Variants in DNAH9 observed in about 807,000 individuals in gnomAD.
DNAH9 encodes the protein dynein axonemal heavy chain 9, also known as DNAH9 variant protein.
A neutral mutation model predicts 471.6 loss-of-function variants in DNAH9; 345 were observed. That is an observed-to-expected ratio of 0.73 (90% CI 0.67 to 0.80). The LOEUF (loss-of-function observed/expected upper bound fraction) is 0.80. DNAH9 is among the 30% of genes least tolerant of loss of function. The pLI, the probability that DNAH9 is intolerant of heterozygous loss-of-function variation, is 0.00. For missense variants in DNAH9, 5,407 were observed against 5,609.2 expected (o/e 0.96, Z 1.15); for synonymous variants, 2,093 against 2,123.6 (o/e 0.99, Z 0.40).
At chr17:11,610,072 G>A (rs1235617590) in intron 2 of DNAH9, among the ~76,000 whole-genome samples, 2 of 152,104 alleles carry the variant, frequency 1.3e-5, no homozygotes, top group South Asian at 2.1e-4. Context: ...TTCTGTCCAC[G>A]GTATTCCTGC....
chr17:11,871,868 C>T, intron 52 of DNAH9, 82 bp downstream of exon 52: 2 of 1,449,510 alleles, frequency 1.4e-6, no homozygotes. Flanking sequence ...TTCGCATCCT[C>T]TGGTGTCCTC....
In DNAH9 at chr17:11,642,403, G is replaced by T. The variant is rs532111463; in HGVS notation, c.1901+2019G>T. On this transcript the variant is annotated intron_variant, in intron 10 of 68. Transcript: ENST00000262442. ...AAATACAAACAATTAGCCAGGTGTG[G>T]TGGGGGCAGGGGGCGGGGGGCGCCT... Among the ~76,000 whole-genome samples the T allele has an allele frequency of 2.2e-3, 340 of 151,944 alleles. 1 individual carries two copies. Among genetic ancestry groups the T allele is most frequent in the Non-Finnish European group, 2.3e-3 (159 of 67,956 alleles).
At chr17:11,743,649 C>T (rs1054525119) in intron 30 of DNAH9, among the ~76,000 whole-genome samples, 1 of 152,164 alleles carries the variant, frequency 6.6e-6, no homozygotes, top group Non-Finnish European at 1.5e-5. Flanking sequence ...GTCTTCTCAC[C>T]TGAGCCTGTG....
intron 34 of DNAH9, among the ~76,000 whole-genome samples, chr17:11,757,265 C>T (rs569989330): frequency 6.6e-6 from 1 of 152,204 alleles, no homozygotes; most frequent in African/African-American, 2.4e-5. Flanking sequence ...GTGGCTCACA[C>T]CTATCATCCC....
At chr17:11,720,579 T>C (rs929785665) in intron 27 of DNAH9, among the ~76,000 whole-genome samples, 11 of 152,204 alleles carry the variant, frequency 7.2e-5, no homozygotes, top group African/African-American at 2.7e-4. Flanking sequence ...GATTAAACAT[T>C]TATATATAAA....
chr17:11,739,283 G>A (rs768153659), intron 29 of DNAH9, among the ~76,000 whole-genome samples: 15 of 152,072 alleles, frequency 9.9e-5, no homozygotes, highest in Non-Finnish European at 1.6e-4. Context: ...ACATAGTTTC[G>A]TGTTGTTTTT....
chr17:11,631,558 T>A (rs2073066377), intron 7 of DNAH9, among the ~76,000 whole-genome samples: 1 of 151,916 alleles, frequency 6.6e-6, no homozygotes, highest in Non-Finnish European at 1.5e-5. Flanking sequence ...GGCAGGAGGC[T>A]TGAACCCGGG....
chr17:11,667,297 T>C (rs2073889431), intron 15 of DNAH9, among the ~76,000 whole-genome samples: 1 of 152,218 alleles, frequency 6.6e-6, no homozygotes, highest in Non-Finnish European at 1.5e-5. Flanking sequence ...TTTATAAACA[T>C]AGTAGTTTTT....
intron 63 of DNAH9, 66 bp from the exon 64 acceptor site, chr17:11,931,948 T>C (rs2151035962): frequency 3.8e-6 from 6 of 1,561,806 alleles, no homozygotes; most frequent in Non-Finnish European, 5.2e-6. Flanking sequence ...GATTGTAACC[T>C]CACCCTAGCC....
Position 11,662,857 on chromosome 17 carries a change from G to A in DNAH9, c.2596-1976G>A, listed in dbSNP as rs961619082. 4.0e-4 allele frequency among the ~76,000 whole-genome samples: 55 copies of A among 137,508 alleles called. No homozygotes were observed. The East Asian group carries it at 6.8e-3, about 17-fold the overall frequency. 90.2% of individuals were successfully genotyped at this position (137,508 alleles called of 152,430 possible). On this transcript the variant is annotated intron_variant, in intron 14 of 68. Coordinates refer to ENST00000262442, the MANE Select transcript of DNAH9 (RefSeq NM_001372.4). Reference sequence around the variant, plus strand: ...TGCAAGCTCCGCCTCCCGGGTTCACGCCATTCTCCTGCCTCAGCCTCCCAA... The same window carrying A: ...TGCAAGCTCCGCCTCCCGGGTTCACACCATTCTCCTGCCTCAGCCTCCCAA...
At chr17:11,621,226 G>C (rs971093770) in intron 6 of DNAH9, among the ~76,000 whole-genome samples, 1 of 151,832 alleles carries the variant, frequency 6.6e-6, no homozygotes, top group Non-Finnish European at 1.5e-5. Context: ...TGGCCAACAT[G>C]GTGAAATCCC....
At chr17:11,767,022 C>T (rs1967973781) in intron 36 of DNAH9, among the ~76,000 whole-genome samples, 1 of 151,976 alleles carries the variant, frequency 6.6e-6, no homozygotes, top group Admixed American at 6.6e-5. Flanking sequence ...CTGGACTGGC[C>T]CAGCAGAGGT....
At chr17:11,776,702 G>A (rs922255018) in intron 38 of DNAH9, among the ~76,000 whole-genome samples, 5 of 152,190 alleles carry the variant, frequency 3.3e-5, no homozygotes, top group Middle Eastern at 3.4e-3. Context: ...ATAATAGAAC[G>A]CCAACTCTGC....
Position 11,611,525 on chromosome 17 carries a change from A to G in DNAH9, c.774-125A>G, listed in dbSNP as rs2072636288. 2.0e-5 allele frequency: 19 copies of G among 971,536 alleles called. No individual in the cohort carries two copies. In the South Asian group the frequency reaches 2.8e-4, roughly 14 times the overall value. 60.2% of individuals were successfully genotyped at this position (971,536 alleles called of 1,614,324 possible). A position where few individuals can be genotyped will look rare whatever the true frequency, so the allele number is the denominator to read the frequency against. ...CAGATGTCCAGGCTCTTTGGGCTGGAGCACAGCCTCTGTGGAAGCACCCCG... is the reference window on the plus strand; with the variant it reads ...CAGATGTCCAGGCTCTTTGGGCTGGGGCACAGCCTCTGTGGAAGCACCCCG... On this transcript the variant is annotated intron_variant, in intron 3 of 68. Transcript: ENST00000262442.
chr17:11,599,141 G>A (rs2072331902), intron 1 of DNAH9, among the ~76,000 whole-genome samples: 1 of 152,044 alleles, frequency 6.6e-6, no homozygotes. Context: ...AGTCGGGTGG[G>A]TCCGGAGGGA....
chr17:11,919,140 T>C (rs72815437), intron 61 of DNAH9, among the ~76,000 whole-genome samples: 1 of 151,932 alleles, frequency 6.6e-6, no homozygotes, highest in African/African-American at 2.4e-5. Context: ...TGGAGGCGTG[T>C]CCACCAGAGG....
At chr17:11,774,970 A>G (rs774333461) in intron 38 of DNAH9, among the ~76,000 whole-genome samples, 10 of 152,224 alleles carry the variant, frequency 6.6e-5, no homozygotes, top group Non-Finnish European at 1.5e-4. Context: ...AATAATGAAC[A>G]TAACCGTCAC....
chr17:11,786,515 A>G (rs771979596), intron 41 of DNAH9, among the ~76,000 whole-genome samples: 7 of 152,202 alleles, frequency 4.6e-5, no homozygotes, highest in Non-Finnish European at 8.8e-5. Flanking sequence ...GCACAGTGCT[A>G]AGCCCTTTAC....
intron 38 of DNAH9, among the ~76,000 whole-genome samples, chr17:11,776,403 A>G (rs1968435982): frequency 6.6e-6 from 1 of 151,772 alleles, no homozygotes. Context: ...ATGTCCTGAC[A>G]TGATAACTCT....
Sources: allele counts gnomAD v4.1 joint callset (sites outside exome capture counted in the v4.1 genomes callset), GRCh38; gene constraint gnomAD v4.1.1; transcripts MANE v1.5; gene names NCBI Gene and HGNC (gene_info 2026-07-23, HGNC 2026-07-21).